Variants in RAF1 observed in about 807,000 individuals in gnomAD.
RAF1 encodes Raf-1 proto-oncogene, serine/threonine kinase.
In RAF1, 27 loss-of-function variants were observed where a neutral mutation model predicts 81.1. The ratio of observed to expected loss-of-function variants is 0.33; its 90% CI spans 0.25 to 0.46. The LOEUF is 0.46. Among genes scored for constraint, RAF1 ranks in the 20% least tolerant of loss-of-function variants. The probability of loss-of-function intolerance (pLI) is 1.00; values close to 1 mark genes in which losing one functional copy is unlikely to be tolerated. For synonymous variants in RAF1, 298 were observed against 294.0 expected, an observed-to-expected ratio of 1.01 and a Z score of -0.14; for missense variants, 598 against 826.0, an observed-to-expected ratio of 0.72 and a Z score of 3.38.
intron 1 of RAF1, among the ~76,000 whole-genome samples, chr3:12,654,385 T>C (rs1317546008): frequency 6.6e-6 from 1 of 152,042 alleles, no homozygotes; most frequent in African/African-American, 2.4e-5. Flanking sequence ...GAGAATCACT[T>C]GAGCTCAGCA....
intron 1 of RAF1, among the ~76,000 whole-genome samples, chr3:12,624,629 C>T (rs1176261080): frequency 6.6e-6 from 1 of 152,152 alleles, no homozygotes; most frequent in Non-Finnish European, 1.5e-5. Flanking sequence ...TAAAGTTCCA[C>T]AGATAAGTTC....
chr3:12,586,051 T>C (rs1008247480), intron 14 of RAF1: 7 of 483,572 alleles, frequency 1.4e-5, no homozygotes, highest in Non-Finnish European at 2.3e-5. Flanking sequence ...GTTTCTTCCC[T>C]GCTTCTTCTC....
chr3:12,663,723 G>A, intron 1 of RAF1, 90 bp downstream of exon 1: 1 of 394,136 alleles, frequency 2.5e-6, no homozygotes, highest in Non-Finnish European at 4.5e-6. Context: ...CGCTCCATCA[G>A]CGCCACCCAG....
At chr3:12,611,535 C>A (rs2059207720) in intron 3 of RAF1, among the ~76,000 whole-genome samples, 1 of 152,112 alleles carries the variant, frequency 6.6e-6, no homozygotes, top group South Asian at 2.1e-4. Context: ...CCCGTCTCTA[C>A]TAAAAATACA....
chr3:12,663,788 T>C (rs1201474958), intron 1 of RAF1, 25 bp downstream of exon 1: 1 of 396,430 alleles, frequency 2.5e-6, no homozygotes, highest in Non-Finnish European at 4.4e-6. Context: ...TCCCCCGGCA[T>C]CCACGACCCG....
intron 2 of RAF1, among the ~76,000 whole-genome samples, chr3:12,617,888 A>G (rs1322848481): frequency 6.8e-6 from 1 of 147,470 alleles, no homozygotes; most frequent in Admixed American, 6.8e-5. Context: ...CAAAAAAAAA[A>G]AAAAGAAAAG....
intron 1 of RAF1, among the ~76,000 whole-genome samples, chr3:12,649,931 G>A (rs1265577453): frequency 2.6e-5 from 4 of 152,042 alleles, no homozygotes; most frequent in African/African-American, 7.2e-5. Flanking sequence ...CAGATCACCA[G>A]GTCAGGAGTT....
At chr3:12,639,216 G>T (rs888045489) in intron 1 of RAF1, among the ~76,000 whole-genome samples, 1 of 152,064 alleles carries the variant, frequency 6.6e-6, no homozygotes, top group African/African-American at 2.4e-5. Flanking sequence ...TTGATGGGAC[G>T]TATCTCAAAA....
At chr3:12,641,553 G>A (rs1320793772) in intron 1 of RAF1, among the ~76,000 whole-genome samples, 2 of 143,934 alleles carry the variant, frequency 1.4e-5, no homozygotes, top group South Asian at 2.2e-4. Context: ...GTGTAGTGCC[G>A]CGATCTCAGC....
intron 1 of RAF1, among the ~76,000 whole-genome samples, chr3:12,649,478 A>G (rs1457735440): frequency 6.6e-6 from 1 of 152,130 alleles, no homozygotes; most frequent in Non-Finnish European, 1.5e-5. Flanking sequence ...ACATGCCTCT[A>G]GTCTCAGCTA....
chr3:12,606,810 T>G (rs1403705112), intron 5 of RAF1, among the ~76,000 whole-genome samples: 1 of 152,184 alleles, frequency 6.6e-6, no homozygotes, highest in African/African-American at 2.4e-5. Flanking sequence ...ACCCAGTAAC[T>G]TGTCATTTAA....
At chr3:12,601,619 A>T (rs1211332255) in intron 8 of RAF1, among the ~76,000 whole-genome samples, 1 of 152,138 alleles carries the variant, frequency 6.6e-6, no homozygotes, top group Non-Finnish European at 1.5e-5. Context: ...TGTTCCACAC[A>T]ACTATTACTA....
chr3:12,647,601 C>T (rs1039325515), intron 1 of RAF1, among the ~76,000 whole-genome samples: 8 of 151,630 alleles, frequency 5.3e-5, no homozygotes, highest in Non-Finnish European at 1.2e-4. Flanking sequence ...CTCAAACAAA[C>T]AAACAAACAA....
chr3:12,658,948 T>C (rs2060785843), intron 1 of RAF1, among the ~76,000 whole-genome samples: 1 of 152,036 alleles, frequency 6.6e-6, no homozygotes, highest in African/African-American at 2.4e-5. Context: ...ATTCTAGGGG[T>C]CATTTTAGAA....
intron 1 of RAF1, among the ~76,000 whole-genome samples, chr3:12,645,761 G>A (rs150094983): frequency 7.0e-4 from 106 of 152,130 alleles, no homozygotes; most frequent in East Asian, 4.6e-3. Flanking sequence ...GTGGGGTGAG[G>A]GGGGTGTCTC....
In RAF1 at chr3:12,646,740, C is replaced by T. The variant is rs557451720; in HGVS notation, c.-27+17073G>A. The stretch of plus-strand genomic sequence containing the variant: ...TAATTTTTTGTATATTTAGTAGAGA[C>T]GGGTTTTACTATGTTGGCCAGACTT... On this transcript the variant is annotated intron_variant, in intron 1 of 17. Coordinates refer to ENST00000442415, the MANE Select transcript of RAF1 (RefSeq NM_001354689.3). Among the ~76,000 whole-genome samples, 20 of 151,296 alleles carry T rather than the reference C, an allele frequency of 1.3e-4. No individual in the cohort carries two copies. In the South Asian group the frequency reaches 4.0e-3, roughly 30 times the overall value.
chr3:12,640,712 C>A (rs2060158114), intron 1 of RAF1, among the ~76,000 whole-genome samples: 1 of 143,188 alleles, frequency 7.0e-6, no homozygotes, highest in Non-Finnish European at 1.5e-5. Flanking sequence ...AGTCAGGAAA[C>A]AACAGGTGCT....
At chr3:12,609,156 G>T (rs567170786) in intron 4 of RAF1, 77 bp downstream of exon 4, 3 of 1,119,182 alleles carry the variant, frequency 2.7e-6, no homozygotes, top group Non-Finnish European at 4.1e-6. Flanking sequence ...ATATACATAC[G>T]CATATTACCT....
chr3:12,601,075 C>T (rs1056340648), intron 8 of RAF1, among the ~76,000 whole-genome samples: 2 of 152,136 alleles, frequency 1.3e-5, no homozygotes, highest in African/African-American at 2.4e-5. Flanking sequence ...ACTCTTACTC[C>T]ACAAGGAGTT....
Sources: allele counts gnomAD v4.1 joint callset (sites outside exome capture counted in the v4.1 genomes callset), GRCh38; gene constraint gnomAD v4.1.1; transcripts MANE v1.5; gene names NCBI Gene and HGNC (gene_info 2026-07-23, HGNC 2026-07-21).